The following COL21A1 variants were observed in gnomAD, a reference collection of about 807,000 sequenced individuals.
COL21A1 encodes collagen type XXI alpha 1 chain, also known as collagen alpha-1(XXI) chain.
In COL21A1, 149 loss-of-function variants were observed where a neutral mutation model predicts 137.9. The ratio of observed to expected loss-of-function variants is 1.08; its 90% CI spans 0.95 to 1.24. COL21A1 has a LOEUF of 1.24. Ranked by LOEUF, COL21A1 falls within the 50% of genes most tolerant of loss-of-function variation. The pLI, the probability that COL21A1 is intolerant of heterozygous loss-of-function variation, is 0.00. For synonymous variants in COL21A1, 456 were observed against 391.5 expected (o/e 1.16, Z -1.95); for missense variants, 1,167 against 1,158.4 (o/e 1.01, Z -0.11).
rs770639332 is a variant in COL21A1 at position 56,170,812 on chromosome 6, C to T, written c.863G>A (p.Arg288Lys). 1 of 1,610,832 alleles carries T rather than the reference C, an allele frequency of 6.2e-7. No individual in the cohort carries two copies. Among genetic ancestry groups the T allele is most frequent in the East Asian group, 2.2e-5 (1 of 44,796 alleles). The change falls in exon 5 of 30, where the codon AGA becomes AAA. Residue 288 changes from arginine to lysine, a missense_variant. By Grantham distance (26) the Arg-to-Lys change is conservative. Coordinates refer to ENST00000244728, the MANE Select transcript of COL21A1 (RefSeq NM_030820.4). ...ATCCCAAATTTTCTTGACTTTAAAT[C>T]TTTGAGTAGACACAAATACATATGA... ...PPSYVFVSTQ[R>K]FKVKKIWDLW...
intron 9 of COL21A1, among the ~76,000 whole-genome samples, chr6:56,163,155 C>T (rs965171855): frequency 2.6e-5 from 4 of 152,114 alleles, no homozygotes; most frequent in African/African-American, 7.2e-5. Context: ...TCAGAAAATT[C>T]AGTCTAAATG....
At chr6:56,374,750 T>C (rs1005772938) in intron 1 of COL21A1, among the ~76,000 whole-genome samples, 2 of 150,318 alleles carry the variant, frequency 1.3e-5, no homozygotes, top group Admixed American at 1.3e-4. Flanking sequence ...AAAGATATTA[T>C]ATTTTCATGT....
intron 1 of COL21A1, among the ~76,000 whole-genome samples, chr6:56,347,377 A>T (rs13220153): frequency 0.34 from 50,854 of 151,674 alleles, 8,696 homozygotes; most frequent in Middle Eastern, 0.41. Context: ...TTCCTGTCTG[A>T]TCTCCTTGCC....
chr6:56,141,014 C>T (rs1045135615), intron 12 of COL21A1, among the ~76,000 whole-genome samples: 2 of 152,080 alleles, frequency 1.3e-5, no homozygotes, highest in African/African-American at 4.8e-5. Context: ...AAGTAAGGAA[C>T]ATTTATTCCC....
At chr6:56,336,936 T>A (rs2152344455) in intron 1 of COL21A1, among the ~76,000 whole-genome samples, 1 of 152,334 alleles carries the variant, frequency 6.6e-6, no homozygotes, top group East Asian at 1.9e-4. Flanking sequence ...CACTTTTGCT[T>A]TGTTTTGACT....
intron 9 of COL21A1, among the ~76,000 whole-genome samples, chr6:56,160,239 C>CT (rs1167906135): frequency 6.6e-6 from 1 of 152,182 alleles, no homozygotes; most frequent in Non-Finnish European, 1.5e-5. Context: ...CTGTTATGTG[C>CT]TAAGCACTGG....
intron 16 of COL21A1, among the ~76,000 whole-genome samples, chr6:56,118,190 T>C (rs938898990): frequency 2.6e-5 from 4 of 151,268 alleles, no homozygotes; most frequent in African/African-American, 9.7e-5. Flanking sequence ...TTAGCCAGTG[T>C]AACCGAGAAA....
intron 5 of COL21A1, among the ~76,000 whole-genome samples, chr6:56,168,612 A>G (rs916671275): frequency 1.8e-4 from 27 of 152,004 alleles, no homozygotes; most frequent in African/African-American, 5.1e-4. Context: ...GCCTCATCTC[A>G]TTTATTTCAT....
At chr6:56,365,524 T>C (rs932637460) in intron 1 of COL21A1, among the ~76,000 whole-genome samples, 3 of 152,220 alleles carry the variant, frequency 2.0e-5, no homozygotes, top group African/African-American at 7.2e-5. Flanking sequence ...GCTATTTTAT[T>C]GCTTAGGATG....
At chr6:56,241,289 C>A (rs1177172779) in intron 1 of COL21A1, among the ~76,000 whole-genome samples, 2 of 152,188 alleles carry the variant, frequency 1.3e-5, no homozygotes, top group Non-Finnish European at 2.9e-5. Flanking sequence ...AAAAAGATCA[C>A]TCTCTGTAAG....
intron 1 of COL21A1, among the ~76,000 whole-genome samples, chr6:56,388,447 G>A (rs1382269629): frequency 1.3e-5 from 2 of 152,192 alleles, no homozygotes; most frequent in Admixed American, 6.5e-5. Flanking sequence ...AAAAGCAAGA[G>A]ACTTTTCAGG....
intron 12 of COL21A1, among the ~76,000 whole-genome samples, chr6:56,133,334 T>C (rs959745220): frequency 6.6e-6 from 1 of 152,166 alleles, no homozygotes; most frequent in African/African-American, 2.4e-5. Flanking sequence ...ATTTTTCCCC[T>C]GCCCTAAAGA....
At chr6:56,179,100 A>C (rs1461220998) in intron 3 of COL21A1, among the ~76,000 whole-genome samples, 1 of 152,100 alleles carries the variant, frequency 6.6e-6, no homozygotes, top group Admixed American at 6.5e-5. Flanking sequence ...TATATCATAC[A>C]AAAATAAAGT....
intron 1 of COL21A1, among the ~76,000 whole-genome samples, chr6:56,233,564 A>G (rs1366670021): frequency 1.3e-5 from 2 of 151,790 alleles, no homozygotes; most frequent in African/African-American, 4.8e-5. Context: ...ACCAGATTAC[A>G]ATGCAAAAGA....
chr6:56,374,590 C>T (rs575069094), intron 1 of COL21A1, among the ~76,000 whole-genome samples: 23 of 151,958 alleles, frequency 1.5e-4, no homozygotes, highest in African/African-American at 4.1e-4. Context: ...GGCATGGTGG[C>T]GCGTACCTGG....
intron 21 of COL21A1, among the ~76,000 whole-genome samples, chr6:56,069,482 A>G (rs2114086848): frequency 6.6e-6 from 1 of 151,098 alleles, no homozygotes; most frequent in South Asian, 2.1e-4. Context: ...TCTCCTTGAA[A>G]CTGCTTTTTC....
intron 3 of COL21A1, among the ~76,000 whole-genome samples, chr6:56,173,256 T>C (rs1777201972): frequency 6.6e-6 from 1 of 152,108 alleles, no homozygotes. Context: ...CATGTGCCTG[T>C]AGTCTCAGCT....
At position 56,352,551 on chromosome 6, in the gene COL21A1, G is replaced by GA. The variant is rs1451899586; in HGVS notation, c.-39+41419dup. 2.1e-4 allele frequency among the ~76,000 whole-genome samples: 31 copies of GA among 148,498 alleles called. 1 individual carries two copies. In the East Asian group the frequency reaches 6.4e-3, roughly 31 times the overall value. ...AGAATGCAACTAAGGAAAAAAAAAA[G>GA]AAAAAATGCAGTTGAAGAAGGGGAG... On this transcript the variant is annotated intron_variant, in intron 1 of 28. Coordinates refer to the COL21A1 transcript ENST00000370819.
At chr6:56,125,729 A>G (rs569787513) in intron 13 of COL21A1, 109 bp from the exon 14 acceptor site, 49 of 667,252 alleles carry the variant, frequency 7.3e-5, no homozygotes, top group Middle Eastern at 8.8e-4. Flanking sequence ...AAAGCAAAAC[A>G]AAATAGAAAT....
Sources: gnomAD v4.1 joint callset for allele counts (sites outside exome capture counted in the v4.1 genomes callset) on GRCh38, gnomAD v4.1.1 for gene constraint, MANE v1.5 for transcripts, NCBI Gene and HGNC (gene_info 2026-07-23, HGNC 2026-07-21) for gene names.